DOCK8: variants seen among roughly 807,000 people sequenced by gnomAD.
DOCK8 encodes the protein dedicator of cytokinesis protein 8.
A neutral mutation model predicts 245.6 loss-of-function variants in DOCK8; 141 were observed. The ratio of observed to expected loss-of-function variants is 0.57; its 90% CI spans 0.50 to 0.66. The LOEUF is 0.66. DOCK8 is among the 30% of genes least tolerant of loss of function. The probability of loss-of-function intolerance (pLI) is 0.00; values close to 1 mark genes in which losing one functional copy is unlikely to be tolerated. For synonymous variants in DOCK8, 1,168 were observed against 970.2 expected, an observed-to-expected ratio of 1.20 and a Z score of -3.79; for missense variants, 2,965 against 2,603.4, an observed-to-expected ratio of 1.14 and a Z score of -3.02.
At chr9:362,771 G>T (rs988850102) in intron 14 of DOCK8, among the ~76,000 whole-genome samples, 1 of 148,574 alleles carries the variant, frequency 6.7e-6, no homozygotes, top group African/African-American at 2.4e-5. Context: ...ATGTCATCTT[G>T]GGAATAATTA....
chr9:400,087 TCCACCATCAC>T (rs1564012067), intron 26 of DOCK8, among the ~76,000 whole-genome samples: 13 of 66,186 alleles, frequency 2.0e-4, no homozygotes, highest in African/African-American at 8.6e-4. Context: ...CACCACCACC[TCCACCATCAC>T]CACCACCACC....
intron 25 of DOCK8, among the ~76,000 whole-genome samples, chr9:398,747 G>C (rs2054584288): frequency 6.7e-6 from 1 of 150,014 alleles, no homozygotes; most frequent in South Asian, 2.1e-4. Flanking sequence ...TAAAAATTAA[G>C]AAACTGTCTC....
intron 2 of DOCK8, among the ~76,000 whole-genome samples, chr9:276,371 C>G (rs1038327294): frequency 3.9e-5 from 6 of 152,164 alleles, no homozygotes; most frequent in African/African-American, 1.2e-4. Context: ...TCTGATAAAT[C>G]AGATGAGAGG....
intron 27 of DOCK8, 81 bp from the exon 28 acceptor site, chr9:406,849 C>T (rs546872158): frequency 3.1e-5 from 50 of 1,591,234 alleles, no homozygotes; most frequent in South Asian, 2.3e-4. Context: ...CTGGCTGGGG[C>T]GAGGACTCAG....
chr9:310,167 T>C (rs1245763530), intron 5 of DOCK8, among the ~76,000 whole-genome samples: 1 of 151,918 alleles, frequency 6.6e-6, no homozygotes, highest in African/African-American at 2.4e-5. Context: ...CTCAGGAGGC[T>C]GAGGCAAAAG....
In DOCK8 at chr9:390,550, T is replaced by G. The variant is rs751007423; in HGVS notation, c.2954T>G (p.Phe985Cys). 1 of 1,614,202 alleles carries G rather than the reference T, an allele frequency of 6.2e-7. No homozygotes were observed. Among genetic ancestry groups the G allele is most frequent in the Non-Finnish European group, 8.5e-7 (1 of 1,180,002 alleles). The change falls in exon 24 of 48, where the codon TTC (phenylalanine) becomes TGC (cysteine). Residue 985 changes from phenylalanine to cysteine, a missense_variant. By Grantham distance (205) the Phe-to-Cys change is radical (BLOSUM62 -2). Around this residue, in one of 3 missense-constraint regions of DOCK8, gnomAD observed 2,825 missense variants for 2,453.5 expected, o/e 1.15. Coordinates refer to ENST00000432829, the MANE Select transcript of DOCK8 (RefSeq NM_203447.4). Reference protein sequence around the residue: ...VRETVFKYAWFFFELLVKSMA... With the variant: ...VRETVFKYAWCFFELLVKSMA... ...GAAACAGTCTTCAAGTATGCCTGGT[T>G]CTTCTTTGAGCTTCTGGTGAGATTC...
At chr9:248,379 A>C (rs1416156758) in intron 1 of DOCK8, among the ~76,000 whole-genome samples, 1 of 152,112 alleles carries the variant, frequency 6.6e-6, no homozygotes, top group East Asian at 1.9e-4. Context: ...CCTTGCTTTC[A>C]AAGGAACACC....
chr9:311,394 G>A (rs1279085080), intron 5 of DOCK8, among the ~76,000 whole-genome samples: 5 of 149,146 alleles, frequency 3.4e-5, no homozygotes, highest in Admixed American at 1.3e-4. Context: ...GTAGGTGCAC[G>A]CCACCATGCC....
In DOCK8 at chr9:426,944, A is replaced by G; in HGVS notation, c.4301A>G (p.His1434Arg). ...AGTGGCAATCTGGCTACAGAAGCAC[A>G]TTTAATCATCCTGGATATGCAGGAA... is the stretch of plus-strand genomic sequence containing the variant. ...LISGNLATEA[H>R]LIILDMQENI... The change falls in exon 34 of 48, where the codon CAT becomes CGT. Residue 1434 changes from histidine to arginine, a missense_variant. By Grantham distance (29) the His-to-Arg change is conservative (BLOSUM62 0). Coordinates refer to ENST00000432829, the MANE Select transcript of DOCK8 (RefSeq NM_203447.4). The G allele has an allele frequency of 5.6e-6, 9 of 1,614,186 alleles. No homozygotes were observed. Among genetic ancestry groups the G allele is most frequent in the Non-Finnish European group, 7.6e-6 (9 of 1,180,044 alleles).
At position 311,994 on chromosome 9, in the gene DOCK8, G is replaced by A; in HGVS notation, c.569G>A (p.Gly190Glu). 1 of 1,614,180 alleles carries A rather than the reference G, an allele frequency of 6.2e-7. No individual in the cohort carries two copies. Among genetic ancestry groups the A allele is most frequent in the Non-Finnish European group, 8.5e-7 (1 of 1,180,036 alleles). Residue 190 changes from glycine to glutamate, a missense_variant, in exon 6 of 48, where the codon GGG (glycine) becomes GAG (glutamate). Physicochemically the swap from Gly to Glu is moderately conservative, Grantham distance 98 (BLOSUM62 -2). Transcript: ENST00000432829. The stretch of plus-strand genomic sequence containing the variant: ...TTAAACGTGCTGTGCGACGTGTCTG[G>A]GAAAGGCCCCGTCACTGCCTGTGAC... ...RHLNVLCDVS[G>E]KGPVTACDFD...
chr9:331,342 G>C (rs867555566), intron 9 of DOCK8, among the ~76,000 whole-genome samples: 30 of 152,306 alleles, frequency 2.0e-4, no homozygotes, highest in African/African-American at 6.5e-4. Flanking sequence ...CAATGGGAGG[G>C]GGTTTTGAAC....
chr9:226,558 G>A (rs1470642798), intron 1 of DOCK8, among the ~76,000 whole-genome samples: 5 of 152,042 alleles, frequency 3.3e-5, no homozygotes, highest in Non-Finnish European at 7.4e-5. Flanking sequence ...AGAGAACCAG[G>A]CAGCTCTGGG....
chr9:429,238 A>G (rs1265532265), intron 35 of DOCK8, among the ~76,000 whole-genome samples: 1 of 152,248 alleles, frequency 6.6e-6, no homozygotes, highest in Admixed American at 6.5e-5. Flanking sequence ...AAGCACTGGG[A>G]TTACAGGCGT....
In DOCK8 at chr9:464,295, A is replaced by C; in HGVS notation, c.*76A>C. 1 of 1,249,784 alleles carries C rather than the reference A, an allele frequency of 8.0e-7. No individual in the cohort carries two copies. The highest frequency in any genetic ancestry group is 1.7e-5 in the Admixed American group (1 of 59,510). 77.4% of individuals were successfully genotyped at this position (1,249,784 alleles called of 1,614,324 possible). A position where few individuals can be genotyped will look rare whatever the true frequency, so the allele number is the denominator to read the frequency against. ...GACTTGCTGGTACTTAAAAAATGGGACATTTGCCACCCAGGACTGACTGTA... is the reference window on the plus strand; with the variant it reads ...GACTTGCTGGTACTTAAAAAATGGGCCATTTGCCACCCAGGACTGACTGTA... On this transcript the variant is annotated 3_prime_UTR_variant, in exon 48 of 48. Transcript: ENST00000432829.
In DOCK8 at chr9:363,753, A is replaced by C. The variant is rs2052844395; in HGVS notation, c.1680-4265A>C. Reference sequence around the variant, plus strand: ...GAGTGCTGGCAGTGTGGGGCAGGACACTGAATATCTGTGGTGGTGATGTTT... The same window carrying C: ...GAGTGCTGGCAGTGTGGGGCAGGACCCTGAATATCTGTGGTGGTGATGTTT... On this transcript the variant is annotated intron_variant, in intron 14 of 47. Coordinates refer to ENST00000432829, the MANE Select transcript of DOCK8 (RefSeq NM_203447.4). Among the ~76,000 whole-genome samples the C allele has an allele frequency of 2.0e-5, 3 of 152,128 alleles. No individual in the cohort carries two copies. The East Asian group carries it at 5.8e-4, about 29-fold the overall frequency.
chr9:351,305 C>G (rs2052156032), intron 14 of DOCK8, among the ~76,000 whole-genome samples: 1 of 152,166 alleles, frequency 6.6e-6, no homozygotes, highest in South Asian at 2.1e-4. Context: ...AGTCTTGTTT[C>G]TAGAGTGGCA....
intron 3 of DOCK8, 82 bp downstream of exon 3, chr9:286,718 C>T (rs1356969724): frequency 7.6e-7 from 1 of 1,315,070 alleles, no homozygotes; most frequent in Non-Finnish European, 1.1e-6. Context: ...TGCCTTCAAT[C>T]TGAACTTAAA....
intron 14 of DOCK8, among the ~76,000 whole-genome samples, chr9:353,638 T>G (rs1165366553): frequency 5.3e-5 from 8 of 152,158 alleles, no homozygotes; most frequent in Non-Finnish European, 1.0e-4. Flanking sequence ...GGTTGGTTGG[T>G]GCTGGTTCTC....
intron 1 of DOCK8, among the ~76,000 whole-genome samples, chr9:240,816 A>C (rs1268502519): frequency 6.6e-6 from 1 of 152,172 alleles, no homozygotes; most frequent in Non-Finnish European, 1.5e-5. Context: ...TAAGTGCGTA[A>C]ACTAATATAT....
Sources: allele counts gnomAD v4.1 joint callset (sites outside exome capture counted in the v4.1 genomes callset), GRCh38; gene constraint gnomAD v4.1.1; regional missense constraint gnomAD v4.1.1; transcripts MANE v1.5; gene names NCBI Gene and HGNC (gene_info 2026-07-23, HGNC 2026-07-21).